Variants in SLC25A26 observed in about 807,000 individuals in gnomAD.
SLC25A26 encodes solute carrier family 25 member 26.
In SLC25A26, 36 loss-of-function variants were observed where a neutral mutation model predicts 37.8. The ratio of observed to expected loss-of-function variants is 0.95; its 90% CI spans 0.73 to 1.26. The LOEUF is 1.26. SLC25A26 is among the 50% of genes most tolerant of loss of function. The pLI, the probability that SLC25A26 is intolerant of heterozygous loss-of-function variation, is 0.00. For missense variants in SLC25A26, 390 were observed against 331.1 expected, an observed-to-expected ratio of 1.18 and a Z score of -1.38; for synonymous variants, 129 against 122.5, an observed-to-expected ratio of 1.05 and a Z score of -0.35.
intron 5 of SLC25A26, among the ~76,000 whole-genome samples, chr3:66,298,752 T>C (rs2074983337): frequency 6.6e-6 from 1 of 152,216 alleles, no homozygotes; most frequent in African/African-American, 2.4e-5. Flanking sequence ...TACTTTGTAA[T>C]AAATGTCAGA....
At chr3:66,216,436 C>T (rs921722975), upstream of SLC25A26, among the ~76,000 whole-genome samples, 9,572 of 151,948 alleles carry the variant, frequency 0.063, 354 homozygotes, top group African/African-American at 0.1. Context: ...TGCTTGAACC[C>T]GGAGGTTGAG....
intron 9 of SLC25A26, among the ~76,000 whole-genome samples, chr3:66,376,227 CTG>C (rs1700643597): frequency 6.6e-6 from 1 of 151,982 alleles, no homozygotes; most frequent in Non-Finnish European, 1.5e-5. Flanking sequence ...ACGGTGAACA[CTG>C]TTGAAATTAC....
Position 66,369,559 on chromosome 3 carries a change from T to C in SLC25A26, c.633+17T>C. The stretch of plus-strand genomic sequence containing the variant: ...CTGGCAAAGGTAAGTGGTGAAATAA[T>C]GTAATGGAGATACTTCAGATGCTCA... On this transcript the variant is annotated intron_variant, in intron 8 of 9. Transcript: ENST00000354883. 6.4e-7 allele frequency: 1 copy of C among 1,573,470 alleles called. No individual in the cohort carries two copies. The highest frequency in any genetic ancestry group is 8.7e-7 in the Non-Finnish European group (1 of 1,154,500).
intron 5 of SLC25A26, among the ~76,000 whole-genome samples, chr3:66,307,940 C>T (rs941563836): frequency 6.6e-6 from 1 of 152,150 alleles, no homozygotes; most frequent in Non-Finnish European, 1.5e-5. Flanking sequence ...AGCATGATGC[C>T]TCCAGCTTTG....
At chr3:66,325,749 A>C (rs1406479382) in intron 5 of SLC25A26, among the ~76,000 whole-genome samples, 1 of 152,250 alleles carries the variant, frequency 6.6e-6, no homozygotes, top group African/African-American at 2.4e-5. Flanking sequence ...GAAATGAGCC[A>C]GCGCATGCAG....
At chr3:66,355,994 TA>T in intron 6 of SLC25A26, 1 of 455,830 alleles carries the variant, frequency 2.2e-6, no homozygotes, top group Middle Eastern at 3.6e-4. Context: ...TTACTACATG[TA>T]TAAAAAGCAT....
At chr3:66,271,131 G>C (rs925376304) in intron 5 of SLC25A26, among the ~76,000 whole-genome samples, 31 of 152,150 alleles carry the variant, frequency 2.0e-4, no homozygotes, top group African/African-American at 7.2e-4. Flanking sequence ...ATAAACCATA[G>C]TGTTGAAGTA....
intron 5 of SLC25A26, chr3:66,293,099 A>G (rs2074771013): frequency 6.6e-6 from 1 of 151,882 alleles, no homozygotes; most frequent in Non-Finnish European, 1.5e-5. Context: ...ACTTGTGTAT[A>G]CTTTATGAAG....
intron 5 of SLC25A26, among the ~76,000 whole-genome samples, chr3:66,344,282 G>A (rs1225441693): frequency 6.6e-6 from 1 of 152,062 alleles, no homozygotes; most frequent in Non-Finnish European, 1.5e-5. Context: ...GGCTAACATG[G>A]TGAAACCCCG....
rs376636211 is a variant in SLC25A26 at position 66,240,325 on chromosome 3, C to T, written c.191-2878C>T. 2.6e-3 allele frequency among the ~76,000 whole-genome samples: 394 copies of T among 152,222 alleles called. 2 individuals carry two copies. The highest frequency in any genetic ancestry group is 8.6e-3 in the African/African-American group (358 of 41,524). On this transcript the variant is annotated intron_variant, in intron 2 of 9. Transcript: ENST00000354883. ...TTCCCCCTGAGACCAGGTCTCACTC[C>T]GTTGCCCAGACTGGAGTGCAGTGGC...
chr3:66,356,366 C>T (rs779047238), intron 6 of SLC25A26, among the ~76,000 whole-genome samples: 1 of 152,038 alleles, frequency 6.6e-6, no homozygotes, highest in Non-Finnish European at 1.5e-5. Context: ...CTCTGATAGG[C>T]CTTTAGCATT....
intron 1 of SLC25A26, among the ~76,000 whole-genome samples, chr3:66,205,472 G>T (rs2071164153): frequency 6.6e-6 from 1 of 152,200 alleles, no homozygotes; most frequent in Non-Finnish European, 1.5e-5. Flanking sequence ...TTTGAGATAT[G>T]GAGGGAGATA....
At chr3:66,284,524 A>G (rs543809710) in intron 5 of SLC25A26, among the ~76,000 whole-genome samples, 1 of 152,292 alleles carries the variant, frequency 6.6e-6, no homozygotes, top group Non-Finnish European at 1.5e-5. Context: ...ACATGCAACA[A>G]TATGCATATC....
At chr3:66,148,393 G>C (rs2070150885) in intron 1 of SLC25A26, among the ~76,000 whole-genome samples, 1 of 152,188 alleles carries the variant, frequency 6.6e-6, no homozygotes, top group Non-Finnish European at 1.5e-5. Flanking sequence ...AAAAGGAATG[G>C]GAACATGTTT....
intron 6 of SLC25A26, among the ~76,000 whole-genome samples, chr3:66,362,450 G>GAT (rs2076732239): frequency 6.6e-6 from 1 of 152,188 alleles, no homozygotes; most frequent in Non-Finnish European, 1.5e-5. Flanking sequence ...TGATTACAAT[G>GAT]ATATAACATT....
chr3:66,210,927 T>C (rs1031713485), intron 1 of SLC25A26, among the ~76,000 whole-genome samples: 20 of 152,208 alleles, frequency 1.3e-4, no homozygotes, highest in African/African-American at 3.9e-4. Context: ...TCACTCAGGC[T>C]AAAAGCAAAC....
At chr3:66,249,300 C>A (rs1315700360) in intron 3 of SLC25A26, among the ~76,000 whole-genome samples, 2 of 152,202 alleles carry the variant, frequency 1.3e-5, no homozygotes, top group South Asian at 4.1e-4. Context: ...TAGTAACTGA[C>A]AAGGCCGTTG....
At position 66,320,835 on chromosome 3, in the gene SLC25A26, T is replaced by G. The variant is rs1234758831; in HGVS notation, c.454-25529T>G. On this transcript the variant is annotated intron_variant, in intron 5 of 9. Transcript: ENST00000354883. Reference sequence around the variant, plus strand: ...TAAAAGTACGTTTAAGATAATTTGTTTATGAAATATTTAAACTTTGGTTAA... The same window carrying G: ...TAAAAGTACGTTTAAGATAATTTGTGTATGAAATATTTAAACTTTGGTTAA... 2.0e-5 allele frequency among the ~76,000 whole-genome samples: 3 copies of G among 152,360 alleles called. No homozygotes were observed. In the East Asian group the frequency reaches 5.8e-4, roughly 29 times the overall value.
intron 1 of SLC25A26, among the ~76,000 whole-genome samples, chr3:66,166,246 CT>C (rs1424225205): frequency 1.3e-5 from 2 of 152,106 alleles, no homozygotes; most frequent in African/African-American, 4.8e-5. Context: ...TAATTTATTT[CT>C]TTTTATTTGG....
Sources: gnomAD v4.1 joint callset for allele counts (sites outside exome capture counted in the v4.1 genomes callset) on GRCh38, gnomAD v4.1.1 for gene constraint, MANE v1.5 for transcripts, NCBI Gene and HGNC (gene_info 2026-07-23, HGNC 2026-07-21) for gene names.